ZNRF2: variants seen among roughly 807,000 people sequenced by gnomAD.
ZNRF2 encodes the protein zinc and ring finger 2, also known as E3 ubiquitin-protein ligase ZNRF2.
In ZNRF2, 16 loss-of-function variants were observed where a neutral mutation model predicts 20.4. The ratio of observed to expected loss-of-function variants is 0.79; its 90% CI spans 0.53 to 1.19. ZNRF2 has a LOEUF of 1.19. Ranked by LOEUF, ZNRF2 falls within the 50% of genes most tolerant of loss-of-function variation. The pLI, the probability that ZNRF2 is intolerant of heterozygous loss-of-function variation, is 0.00. For synonymous variants in ZNRF2, 178 were observed against 144.9 expected (o/e 1.23, Z -1.64); for missense variants, 363 against 332.4 (o/e 1.09, Z -0.72).
intron 2 of ZNRF2, among the ~76,000 whole-genome samples, chr7:30,334,208 A>G (rs1162833438): frequency 1.3e-5 from 2 of 152,156 alleles, no homozygotes; most frequent in Non-Finnish European, 2.9e-5. Flanking sequence ...ATTCTTCTGC[A>G]TATGGCTAGG....
In ZNRF2 at chr7:30,295,048, AGAGTGTGTGT is replaced by A. The variant is rs1158404018; in HGVS notation, c.469+9224_469+9233del. Among the ~76,000 whole-genome samples the A allele has an allele frequency of 7.1e-4, 56 of 79,084 alleles. No individual in the cohort carries two copies. The East Asian group carries it at 7.6e-3, about 11-fold the overall frequency. The allele number at this position is 79,084 out of a possible 152,430, so 51.9% of individuals were successfully genotyped here. A position where few individuals can be genotyped will look rare whatever the true frequency, so the allele number is the denominator to read the frequency against. The stretch of plus-strand genomic sequence containing the variant: ...GAGAGAGAGAGAGAGAGAGAGAGAG[AGAGTGTGTGT>A]GTGTGTGTGTGTGTGTGTGTGTGTG... On this transcript the variant is annotated intron_variant, in intron 1 of 4. Transcript: ENST00000323037.
intron 2 of ZNRF2, among the ~76,000 whole-genome samples, chr7:30,337,021 T>A (rs1326535211): frequency 6.6e-6 from 1 of 152,204 alleles, no homozygotes; most frequent in Non-Finnish European, 1.5e-5. Flanking sequence ...TCTGACAAAT[T>A]TAAAAAGTTT....
chr7:30,294,387 G>C (rs1220635554), intron 1 of ZNRF2, among the ~76,000 whole-genome samples: 3 of 152,196 alleles, frequency 2.0e-5, no homozygotes, highest in East Asian at 3.9e-4. Context: ...CATGTTAACT[G>C]CATTTCGATA....
chr7:30,299,147 C>G (rs545756184), intron 1 of ZNRF2, among the ~76,000 whole-genome samples: 1 of 151,868 alleles, frequency 6.6e-6, no homozygotes, highest in Non-Finnish European at 1.5e-5. Context: ...GGATGATGCC[C>G]CTGGGCGTGG....
Position 30,285,652 on chromosome 7 carries a change from T to G in ZNRF2, c.295T>G (p.Ser99Ala). 4.5e-6 allele frequency: 6 copies of G among 1,334,308 alleles called. No homozygotes were observed. Among genetic ancestry groups the G allele is most frequent in the Non-Finnish European group, 1.9e-6 (2 of 1,044,580 alleles). The allele number at this position is 1,334,308 out of a possible 1,614,324, so 82.7% of individuals were successfully genotyped here. A position where few individuals can be genotyped will look rare whatever the true frequency, so the allele number is the denominator to read the frequency against. ...GGCGTCGGGGGCCCGCGCGGCGCAGTCCCCCTTCAGCATCCCGAACAGCAG... is the reference window on the plus strand; with the variant it reads ...GGCGTCGGGGGCCCGCGCGGCGCAGGCCCCCTTCAGCATCCCGAACAGCAG... ...SVASGARAAQ[S>A]PFSIPNSSSG... Residue 99 changes from serine (S) to alanine (A), a missense_variant, in exon 1 of 5, where the codon TCC becomes GCC. Around this residue, in one of 2 missense-constraint regions of ZNRF2, gnomAD observed 302 missense variants for 231.5 expected, o/e 1.30. Transcript: ENST00000323037.
intron 1 of ZNRF2, among the ~76,000 whole-genome samples, chr7:30,303,695 C>T (rs1414375051): frequency 6.6e-6 from 1 of 152,126 alleles, no homozygotes; most frequent in Non-Finnish European, 1.5e-5. Flanking sequence ...CTGAATTACC[C>T]ACTGTAGCAT....
In ZNRF2 at chr7:30,366,492, CAT is replaced by C. The variant is rs1157658656; in HGVS notation, c.*484_*485del. On this transcript the variant is annotated 3_prime_UTR_variant, in exon 5 of 5. Transcript: ENST00000323037. Reference sequence around the variant, plus strand: ...ATTCATCTGTTCTTAAATTGAAAAACATATAATTTACTTCTTATAAATTGAAG... The same window carrying C: ...ATTCATCTGTTCTTAAATTGAAAAACATAATTTACTTCTTATAAATTGAAG... 1.3e-5 allele frequency: 2 copies of C among 152,478 alleles called. No homozygotes were observed. Among genetic ancestry groups the C allele is most frequent in the African/African-American group, 4.8e-5 (2 of 41,418 alleles). The allele number at this position is 152,478 out of a possible 1,614,324, so 9.4% of individuals were successfully genotyped here.
rs1392651933 is a variant in ZNRF2 at position 30,300,135 on chromosome 7, C to T, written c.469+14309C>T. 8.8e-5 allele frequency among the ~76,000 whole-genome samples: 13 copies of T among 147,454 alleles called. No homozygotes were observed. In the East Asian group the frequency reaches 2.2e-3, roughly 25 times the overall value. ...TTTAGAGGATTTTTTCATGGGAAAA[C>T]ATGAATACAAGTCTTTTTTTTTTTT... On this transcript the variant is annotated intron_variant, in intron 1 of 4. Coordinates refer to ENST00000323037, the MANE Select transcript of ZNRF2 (RefSeq NM_147128.4).
At chr7:30,286,978 C>T (rs1798802484) in intron 1 of ZNRF2, among the ~76,000 whole-genome samples, 1 of 152,180 alleles carries the variant, frequency 6.6e-6, no homozygotes, top group Non-Finnish European at 1.5e-5. Flanking sequence ...AGCACACACG[C>T]CAGCATAAAT....
At chr7:30,300,434 A>G (rs1247075561) in intron 1 of ZNRF2, among the ~76,000 whole-genome samples, 1 of 152,200 alleles carries the variant, frequency 6.6e-6, no homozygotes, top group Non-Finnish European at 1.5e-5. Flanking sequence ...GGCATGAGCC[A>G]CCACACCCAG....
chr7:30,358,792 G>A (rs1800078404), intron 3 of ZNRF2, among the ~76,000 whole-genome samples: 2 of 152,232 alleles, frequency 1.3e-5, no homozygotes, highest in South Asian at 2.1e-4. Flanking sequence ...GGACTTTGAA[G>A]TCAAGACACT....
chr7:30,322,027 CA>C (rs1185065746), intron 1 of ZNRF2, among the ~76,000 whole-genome samples: 1 of 151,636 alleles, frequency 6.6e-6, no homozygotes, highest in African/African-American at 2.4e-5. Context: ...AAAAAAACTG[CA>C]AAAAATCTCA....
intron 1 of ZNRF2, among the ~76,000 whole-genome samples, chr7:30,293,248 A>ATTT (rs71557451): frequency 6.7e-5 from 9 of 133,728 alleles, no homozygotes; most frequent in Non-Finnish European, 1.1e-4. Flanking sequence ...AAATTTTTAC[A>ATTT]TTTTTTTTTT....
intron 3 of ZNRF2, among the ~76,000 whole-genome samples, chr7:30,359,767 G>A (rs991663187): frequency 5.3e-5 from 8 of 151,998 alleles, no homozygotes; most frequent in African/African-American, 1.9e-4. Flanking sequence ...TTAAAAAAAC[G>A]TATTTACAGT....
intron 1 of ZNRF2, among the ~76,000 whole-genome samples, chr7:30,319,763 G>T (rs1356301300): frequency 1.3e-5 from 2 of 152,168 alleles, no homozygotes; most frequent in African/African-American, 4.8e-5. Context: ...AATGACACTA[G>T]TGATTCATTG....
chr7:30,346,402 C>T (rs766503206), intron 2 of ZNRF2, among the ~76,000 whole-genome samples: 1 of 151,688 alleles, frequency 6.6e-6, no homozygotes, highest in South Asian at 2.1e-4. Context: ...CCATGTTGGC[C>T]AGGCTGTTTT....
At chr7:30,339,385 G>T (rs894356119) in intron 2 of ZNRF2, among the ~76,000 whole-genome samples, 5 of 152,136 alleles carry the variant, frequency 3.3e-5, no homozygotes, top group African/African-American at 1.2e-4. Context: ...TTCTTCTAGG[G>T]TTTTTATGGT....
Position 30,285,340 on chromosome 7 carries a change from G to A in ZNRF2, c.-18G>A. ...TCTCGGGGCGCAGCGCGCGGGCCCG[G>A]CCCGGGGCAGGGCGGACATGGGCGC... On this transcript the variant is annotated 5_prime_UTR_variant, in exon 1 of 5. Transcript: ENST00000323037. 8.9e-7 allele frequency: 1 copy of A among 1,121,680 alleles called. No homozygotes were observed. Among genetic ancestry groups the A allele is most frequent in the South Asian group, 2.9e-5 (1 of 34,718 alleles). 69.5% of individuals were successfully genotyped at this position (1,121,680 alleles called of 1,614,324 possible). A position where few individuals can be genotyped will look rare whatever the true frequency, so the allele number is the denominator to read the frequency against.
At chr7:30,288,843 T>A (rs1798844440) in intron 1 of ZNRF2, 1 of 152,236 alleles carries the variant, frequency 6.6e-6, no homozygotes, top group African/African-American at 2.4e-5. Flanking sequence ...GTCTTAAGGG[T>A]ATTTCCTAAT....
Sources: gnomAD v4.1 joint callset for allele counts (sites outside exome capture counted in the v4.1 genomes callset) on GRCh38, gnomAD v4.1.1 for gene constraint, gnomAD v4.1.1 regional missense constraint, MANE v1.5 for transcripts, NCBI Gene and HGNC (gene_info 2026-07-23, HGNC 2026-07-21) for gene names.